Variants in CERS6 observed in about 807,000 individuals in gnomAD.
CERS6 encodes the protein ceramide synthase 6.
CERS6 carries 26 observed loss-of-function variants against 56.8 expected under a neutral mutation model. The ratio of observed to expected loss-of-function variants is 0.46; its 90% CI spans 0.34 to 0.63. The LOEUF (loss-of-function observed/expected upper bound fraction) is 0.63. Ranked by LOEUF, CERS6 falls within the 30% of genes least tolerant of loss-of-function variation. The probability of loss-of-function intolerance (pLI) is 0.01; values close to 1 mark genes in which losing one functional copy is unlikely to be tolerated. For missense variants in CERS6, 415 were observed against 467.5 expected (o/e 0.89, Z 1.04); for synonymous variants, 164 against 173.3 (o/e 0.95, Z 0.42).
chr2:168,587,514 T>A (rs1477275901), intron 3 of CERS6, among the ~76,000 whole-genome samples: 1 of 152,188 alleles, frequency 6.6e-6, no homozygotes, highest in Non-Finnish European at 1.5e-5. Flanking sequence ...TAATGAAGGT[T>A]TTCTTGGCCT....
At chr2:168,735,070 T>C (rs1442584104) in intron 8 of CERS6, among the ~76,000 whole-genome samples, 1 of 152,222 alleles carries the variant, frequency 6.6e-6, no homozygotes, top group Admixed American at 6.5e-5. Context: ...TTTAAACACA[T>C]ACATTATTCT....
chr2:168,711,106 T>G (rs758352479), intron 6 of CERS6, among the ~76,000 whole-genome samples: 7 of 152,230 alleles, frequency 4.6e-5, no homozygotes, highest in Non-Finnish European at 5.9e-5. Flanking sequence ...CTGTTTATCC[T>G]AGCAGTAAAT....
chr2:168,506,847 T>C (rs537153034), intron 1 of CERS6, among the ~76,000 whole-genome samples: 2 of 152,332 alleles, frequency 1.3e-5, no homozygotes, highest in South Asian at 2.1e-4. Context: ...AGTTTTCATA[T>C]TGATATCCTT....
chr2:168,721,324 G>A (rs1687360288), intron 8 of CERS6, among the ~76,000 whole-genome samples: 1 of 151,882 alleles, frequency 6.6e-6, no homozygotes, highest in Non-Finnish European at 1.5e-5. Context: ...TTATTGTATG[G>A]ATATACCACA....
At chr2:168,604,980 G>A (rs1206072907) in intron 3 of CERS6, among the ~76,000 whole-genome samples, 3 of 152,180 alleles carry the variant, frequency 2.0e-5, no homozygotes, top group East Asian at 3.8e-4. Flanking sequence ...CTTTGGAATT[G>A]GGTAATGGGC....
At chr2:168,629,007 G>GA (rs1684651683) in intron 3 of CERS6, among the ~76,000 whole-genome samples, 2 of 152,056 alleles carry the variant, frequency 1.3e-5, no homozygotes, top group Admixed American at 6.6e-5. Flanking sequence ...ACAACTTAAA[G>GA]AAGTGCTTTT....
rs549101466 is a variant in CERS6, at chr2:168,643,394, CTTACCTTT to C, written c.465+12354_465+12361del. ...GGCTAGGCAGGAAAATGATTCCCCACTTACCTTTTCTTATTAGCCAGTTGTTTGACTTT... is the reference window on the plus strand; with the variant it reads ...GGCTAGGCAGGAAAATGATTCCCCACTCTTATTAGCCAGTTGTTTGACTTT... On this transcript the variant is annotated intron_variant, in intron 4 of 9. Coordinates refer to ENST00000305747, the MANE Select transcript of CERS6 (RefSeq NM_203463.3). 1.9e-3 allele frequency among the ~76,000 whole-genome samples: 291 copies of C among 152,264 alleles called. 2 individuals carry two copies. Among genetic ancestry groups the C allele is most frequent in the African/African-American group, 6.8e-3 (282 of 41,546 alleles).
intron 6 of CERS6, among the ~76,000 whole-genome samples, chr2:168,713,457 G>T (rs558808967): frequency 6.6e-6 from 1 of 152,180 alleles, no homozygotes; most frequent in South Asian, 2.1e-4. Flanking sequence ...CTCTGAGAGA[G>T]ATATATAGAT....
At chr2:168,586,378 C>A (rs1683542763) in intron 3 of CERS6, among the ~76,000 whole-genome samples, 1 of 151,842 alleles carries the variant, frequency 6.6e-6, no homozygotes, top group African/African-American at 2.4e-5. Flanking sequence ...ATAAAATATG[C>A]CTCATTTTTT....
At chr2:168,668,029 G>GT (rs1685808260) in intron 4 of CERS6, among the ~76,000 whole-genome samples, 1 of 152,182 alleles carries the variant, frequency 6.6e-6, no homozygotes. Context: ...AGGGCAGATC[G>GT]TAAGTTGTAA....
At chr2:168,466,648 A>G (rs1693886595) in intron 1 of CERS6, among the ~76,000 whole-genome samples, 1 of 152,222 alleles carries the variant, frequency 6.6e-6, no homozygotes, top group Non-Finnish European at 1.5e-5. Flanking sequence ...ATCTGTAAGA[A>G]TGTTTTGGGC....
intron 3 of CERS6, 35 bp downstream of exon 3, chr2:168,561,357 C>T (rs780835262): frequency 6.2e-7 from 1 of 1,613,044 alleles, no homozygotes; most frequent in Non-Finnish European, 8.5e-7. Context: ...AAGAAAAGAC[C>T]TAAGTACTCA....
At chr2:168,688,258 G>A (rs940436444) in intron 4 of CERS6, among the ~76,000 whole-genome samples, 1 of 151,964 alleles carries the variant, frequency 6.6e-6, no homozygotes, top group Non-Finnish European at 1.5e-5. Context: ...TATAATTTGT[G>A]TGATAGAATA....
At chr2:168,715,172 T>G (rs1188133612) in intron 7 of CERS6, 43 bp downstream of exon 7, 1 of 1,582,224 alleles carries the variant, frequency 6.3e-7, no homozygotes, top group Non-Finnish European at 8.6e-7. Context: ...AATCCAAAAT[T>G]TAGGAAGTCC....
chr2:168,476,087 C>G (rs1233816471), intron 1 of CERS6, among the ~76,000 whole-genome samples: 2 of 152,288 alleles, frequency 1.3e-5, no homozygotes, highest in South Asian at 2.1e-4. Flanking sequence ...TATTGTTTCT[C>G]TTTCTGAGGT....
chr2:168,722,858 A>G (rs1364466195), intron 8 of CERS6, among the ~76,000 whole-genome samples: 1 of 152,174 alleles, frequency 6.6e-6, no homozygotes, highest in African/African-American at 2.4e-5. Flanking sequence ...CAGGTCACCA[A>G]AACTGATCTC....
chr2:168,639,993 C>G (rs560304531), intron 4 of CERS6, among the ~76,000 whole-genome samples: 1 of 152,164 alleles, frequency 6.6e-6, no homozygotes, highest in East Asian at 1.9e-4. Context: ...AATGACTATT[C>G]CAAAGCACAG....
intron 1 of CERS6, among the ~76,000 whole-genome samples, chr2:168,464,980 G>A (rs1247094928): frequency 1.3e-5 from 2 of 152,164 alleles, no homozygotes; most frequent in African/African-American, 4.8e-5. Context: ...GAGGTTCCTC[G>A]AAAAATTAAA....
intron 3 of CERS6, among the ~76,000 whole-genome samples, chr2:168,606,227 G>A (rs528540037): frequency 6.6e-6 from 1 of 152,216 alleles, no homozygotes; most frequent in South Asian, 2.1e-4. Flanking sequence ...TTATTTTGGA[G>A]CTTTAAGATT....
Sources: gnomAD v4.1 joint callset for allele counts (sites outside exome capture counted in the v4.1 genomes callset) on GRCh38, gnomAD v4.1.1 for gene constraint, MANE v1.5 for transcripts, NCBI Gene and HGNC (gene_info 2026-07-23, HGNC 2026-07-21) for gene names.